GALNT13: variants seen among roughly 807,000 people sequenced by gnomAD.
GALNT13 encodes polypeptide N-acetylgalactosaminyltransferase 13, also known as UDP-GalNAc:polypeptide N-acetylgalactosaminyltransferase 13.
Under a neutral mutation model 64.2 loss-of-function variants are expected in GALNT13, and 28 were observed. That is an observed-to-expected ratio of 0.44 (90% CI 0.32 to 0.60). The LOEUF is 0.60. Ranked by LOEUF, GALNT13 falls within the 20% of genes least tolerant of loss-of-function variation. The pLI is 0.05. For synonymous variants in GALNT13, 214 were observed against 224.6 expected (o/e 0.95, Z 0.42); for missense variants, 577 against 669.8 (o/e 0.86, Z 1.53).
the GALNT13 span, among the ~76,000 whole-genome samples, chr2:153,723,443 G>A: frequency 6.7e-6 from 1 of 148,578 alleles, no homozygotes; most frequent in Non-Finnish European, 1.5e-5. Context: ...AGTGTTGGAA[G>A]TTCTGGCCAG....
intron 2 of GALNT13, among the ~76,000 whole-genome samples, chr2:153,923,119 CA>C (rs1326441633): frequency 6.6e-6 from 1 of 152,040 alleles, no homozygotes; most frequent in African/African-American, 2.4e-5. Flanking sequence ...AGGCTGGTCT[CA>C]AACTCCTGAC....
At chr2:153,627,531 A>C in the GALNT13 span, among the ~76,000 whole-genome samples, 1 of 152,246 alleles carries the variant, frequency 6.6e-6, no homozygotes, top group East Asian at 1.9e-4. Context: ...AGTCTTAGAA[A>C]AATCTAAGCC....
chr2:153,196,024 C>G, the GALNT13 span, among the ~76,000 whole-genome samples: 2 of 152,154 alleles, frequency 1.3e-5, no homozygotes, highest in Non-Finnish European at 2.9e-5. Flanking sequence ...CTGTTTAGCT[C>G]TGGCTGAGCC....
At chr2:153,151,315 G>GA in the GALNT13 span, among the ~76,000 whole-genome samples, 712 of 151,996 alleles carry the variant, frequency 4.7e-3, 5 homozygotes, top group African/African-American at 0.016. Flanking sequence ...GGCAATCATT[G>GA]AAAATCAGGA....
chr2:153,508,724 G>T, the GALNT13 span, among the ~76,000 whole-genome samples: 2 of 152,114 alleles, frequency 1.3e-5, no homozygotes, highest in Admixed American at 6.6e-5. Flanking sequence ...TCCTTCAAAG[G>T]GTTTATGGAT....
chr2:154,310,576 C>A (rs1693977928), intron 9 of GALNT13, among the ~76,000 whole-genome samples: 1 of 151,976 alleles, frequency 6.6e-6, no homozygotes, highest in South Asian at 2.1e-4. Flanking sequence ...ATGGATATAT[C>A]AAAACTTATT....
At chr2:154,139,244 T>G (rs867735189) in intron 3 of GALNT13, among the ~76,000 whole-genome samples, 2 of 152,104 alleles carry the variant, frequency 1.3e-5, no homozygotes, top group Non-Finnish European at 2.9e-5. Flanking sequence ...ATTTGCTGGA[T>G]GTGTTCTATC....
chr2:153,432,247 G>C, the GALNT13 span, among the ~76,000 whole-genome samples: 1 of 152,148 alleles, frequency 6.6e-6, no homozygotes. Context: ...AAAGCCACAG[G>C]ATAGTATTCC....
chr2:153,540,039 C>T, the GALNT13 span, among the ~76,000 whole-genome samples: 3 of 152,194 alleles, frequency 2.0e-5, no homozygotes, highest in African/African-American at 7.2e-5. Flanking sequence ...ATTGCCAAGA[C>T]AATGTGGAAA....
the GALNT13 span, among the ~76,000 whole-genome samples, chr2:153,240,443 G>C: frequency 2.2e-4 from 34 of 152,142 alleles, no homozygotes; most frequent in South Asian, 6.6e-3. Flanking sequence ...GATTGCTCTT[G>C]TGGCTACCTG....
At chr2:154,087,944 G>A (rs1192155126) in intron 3 of GALNT13, among the ~76,000 whole-genome samples, 1 of 152,096 alleles carries the variant, frequency 6.6e-6, no homozygotes, top group African/African-American at 2.4e-5. Context: ...CTGGCTTTAT[G>A]TTACTGTCTC....
At chr2:153,083,486 C>G in the GALNT13 span, among the ~76,000 whole-genome samples, 1 of 152,066 alleles carries the variant, frequency 6.6e-6, no homozygotes, top group South Asian at 2.1e-4. Context: ...TTTCCCTGAT[C>G]ATTAATGAAT....
chr2:153,410,840 TAC>T, the GALNT13 span, among the ~76,000 whole-genome samples: 3 of 151,202 alleles, frequency 2.0e-5, no homozygotes, highest in African/African-American at 2.4e-5. Flanking sequence ...GAAAAATATT[TAC>T]ACACACACAC....
chr2:153,420,299 G>T, the GALNT13 span, among the ~76,000 whole-genome samples: 2 of 152,066 alleles, frequency 1.3e-5, no homozygotes, highest in Non-Finnish European at 2.9e-5. Flanking sequence ...TTGTAAGGTT[G>T]ATAGATTAGA....
the GALNT13 span, among the ~76,000 whole-genome samples, chr2:153,713,279 C>A: frequency 6.6e-6 from 1 of 152,118 alleles, no homozygotes; most frequent in Admixed American, 6.5e-5. Context: ...TACCCTTATT[C>A]ATTTCTCCTG....
At chr2:154,368,136 C>G (rs910678727) in intron 9 of GALNT13, among the ~76,000 whole-genome samples, 1 of 126,298 alleles carries the variant, frequency 7.9e-6, no homozygotes, top group Non-Finnish European at 1.6e-5. Context: ...AAAGATAATT[C>G]AATGGATAAA....
Position 154,082,873 on chromosome 2 carries a change from C to T in GALNT13, c.143-57464C>T, listed in dbSNP as rs533319408. Among the ~76,000 whole-genome samples, 3 of 152,122 alleles carry T rather than the reference C, an allele frequency of 2.0e-5. No individual in the cohort carries two copies. The East Asian group carries it at 5.8e-4, about 29-fold the overall frequency. On this transcript the variant is annotated intron_variant, in intron 3 of 12. Coordinates refer to ENST00000392825, the MANE Select transcript of GALNT13 (RefSeq NM_052917.4). ...CTATTCTGTAGGTTGCCTGTTCACTCTGGTGATAGTTTCTTTTGCTGTGCA... is the reference window on the plus strand; with the variant it reads ...CTATTCTGTAGGTTGCCTGTTCACTTTGGTGATAGTTTCTTTTGCTGTGCA...
At chr2:153,675,532 C>T in the GALNT13 span, among the ~76,000 whole-genome samples, 24 of 151,944 alleles carry the variant, frequency 1.6e-4, no homozygotes, top group South Asian at 8.3e-4. Flanking sequence ...CATCACACAC[C>T]GGGGCCTGTT....
chr2:153,589,227 G>A, the GALNT13 span, among the ~76,000 whole-genome samples: 2 of 152,144 alleles, frequency 1.3e-5, no homozygotes, highest in African/African-American at 4.8e-5. Context: ...GAGGGCAGGG[G>A]CAAAATGCCG....
Sources: gnomAD v4.1 joint callset for allele counts (sites outside exome capture counted in the v4.1 genomes callset) on GRCh38, gnomAD v4.1.1 for gene constraint, MANE v1.5 for transcripts, NCBI Gene and HGNC (gene_info 2026-07-23, HGNC 2026-07-21) for gene names.